ELAVL2: variants seen among roughly 807,000 people sequenced by gnomAD.
ELAVL2 encodes ELAV-like protein 2.
ELAVL2 carries 4 observed loss-of-function variants against 34.6 expected under a neutral mutation model. That is an observed-to-expected ratio of 0.12 (90% CI 0.06 to 0.26). The LOEUF (loss-of-function observed/expected upper bound fraction) is 0.26. Among genes scored for constraint, ELAVL2 ranks in the 10% least tolerant of loss-of-function variants. The pLI is 1.00. For missense variants in ELAVL2, 432 were observed against 442.8 expected, an observed-to-expected ratio of 0.98 and a Z score of 0.22; for synonymous variants, 193 against 154.8, an observed-to-expected ratio of 1.25 and a Z score of -1.83.
At chr9:23,771,659 A>T (rs1452003780) in intron 1 of ELAVL2, among the ~76,000 whole-genome samples, 1 of 152,220 alleles carries the variant, frequency 6.6e-6, no homozygotes, top group Non-Finnish European at 1.5e-5. Flanking sequence ...ATAGTATATC[A>T]GAAAATTGAT....
chr9:23,799,248 C>T (rs756764726), intron 1 of ELAVL2, among the ~76,000 whole-genome samples: 6 of 152,248 alleles, frequency 3.9e-5, no homozygotes, highest in Admixed American at 1.3e-4. Flanking sequence ...TCTTAACAAG[C>T]GAAGTCAGGA....
chr9:23,773,936 G>A (rs1445642843), intron 1 of ELAVL2, among the ~76,000 whole-genome samples: 2 of 151,994 alleles, frequency 1.3e-5, no homozygotes, highest in African/African-American at 2.4e-5. Flanking sequence ...TCTGGGCCTG[G>A]CGCAGTGGCT....
intron 2 of ELAVL2, among the ~76,000 whole-genome samples, chr9:23,756,700 A>G (rs1394244520): frequency 6.6e-6 from 1 of 152,212 alleles, no homozygotes; most frequent in Non-Finnish European, 1.5e-5. Context: ...AAGAGGGGAC[A>G]GCACTTTAAA....
intron 2 of ELAVL2, chr9:23,735,332 A>G (rs2047615534): frequency 1.3e-5 from 2 of 152,112 alleles, no homozygotes; most frequent in African/African-American, 4.8e-5. Flanking sequence ...ACTGGATGGC[A>G]GTGGGCATGA....
chr9:23,713,974 C>G (rs1434121758), intron 3 of ELAVL2, among the ~76,000 whole-genome samples: 1 of 152,108 alleles, frequency 6.6e-6, no homozygotes, highest in Non-Finnish European at 1.5e-5. Flanking sequence ...TGATGTTAAT[C>G]ACAGTACTTA....
At chr9:23,714,743 T>G (rs1050558886) in intron 3 of ELAVL2, among the ~76,000 whole-genome samples, 19 of 152,180 alleles carry the variant, frequency 1.2e-4, no homozygotes, top group Admixed American at 7.2e-4. Context: ...TGTTTCTGCA[T>G]GTGAAATGTG....
intron 1 of ELAVL2, chr9:23,821,869 C>T (rs2064829724): frequency 6.6e-6 from 1 of 151,468 alleles, no homozygotes; most frequent in East Asian, 2.0e-4. Flanking sequence ...GAAGGAGGGG[C>T]TTGCTTGGAA....
chr9:23,804,824 C>G (rs1280220556), intron 1 of ELAVL2, among the ~76,000 whole-genome samples: 1 of 152,282 alleles, frequency 6.6e-6, no homozygotes, highest in South Asian at 2.1e-4. Flanking sequence ...CAACCACAAT[C>G]ATTATACCTA....
chr9:23,774,869 C>G (rs1211563082), intron 1 of ELAVL2, among the ~76,000 whole-genome samples: 1 of 152,076 alleles, frequency 6.6e-6, no homozygotes, highest in African/African-American at 2.4e-5. Context: ...ACCCTAGAAT[C>G]TAGATTAATA....
intron 2 of ELAVL2, among the ~76,000 whole-genome samples, chr9:23,747,128 C>T (rs2135429060): frequency 6.6e-6 from 1 of 152,012 alleles, no homozygotes; most frequent in South Asian, 2.1e-4. Flanking sequence ...ACTGAAACCA[C>T]AGATAGTACT....
chr9:23,730,182 C>G (rs1014014918), intron 3 of ELAVL2, among the ~76,000 whole-genome samples: 1 of 152,068 alleles, frequency 6.6e-6, no homozygotes, highest in African/African-American at 2.4e-5. Context: ...TTGCTAGAGG[C>G]GACATCCCTC....
At chr9:23,750,988 A>G (rs1448934102) in intron 2 of ELAVL2, among the ~76,000 whole-genome samples, 1 of 152,184 alleles carries the variant, frequency 6.6e-6, no homozygotes, top group Non-Finnish European at 1.5e-5. Context: ...TTACTTTAAA[A>G]GGAGGATTTG....
chr9:23,776,292 T>A (rs1283558207), intron 1 of ELAVL2, among the ~76,000 whole-genome samples: 2 of 152,200 alleles, frequency 1.3e-5, no homozygotes, highest in African/African-American at 2.4e-5. Flanking sequence ...CATTTTTTAA[T>A]TCCTAGCTAC....
intron 2 of ELAVL2, 78 bp from the exon 3 acceptor site, chr9:23,731,203 G>A (rs2046445393): frequency 8.0e-6 from 10 of 1,245,168 alleles, no homozygotes; most frequent in Non-Finnish European, 1.1e-5. Context: ...TTGGCATATG[G>A]TCTTGTCATT....
the ELAVL2 span, chr9:23,832,385 C>G: frequency 6.6e-6 from 1 of 152,162 alleles, no homozygotes; most frequent in Non-Finnish European, 1.5e-5. Context: ...ATACCTGATT[C>G]TTACCGCACA....
intron 1 of ELAVL2, among the ~76,000 whole-genome samples, chr9:23,816,644 C>T (rs576984828): frequency 4.6e-5 from 7 of 152,086 alleles, no homozygotes; most frequent in Admixed American, 6.6e-5. Context: ...AAGTAACACA[C>T]GTTTAGGAGA....
In ELAVL2 at chr9:23,748,275, T is replaced by A. The variant is rs1278948067; in HGVS notation, c.229+13731A>T. The stretch of plus-strand genomic sequence containing the variant: ...TCGCTCTTTGACTCTGATTGAGGAA[T>A]GGCTTTCTGCCAAGATTTCCTTCAA... On this transcript the variant is annotated intron_variant, in intron 2 of 6. Coordinates refer to ENST00000397312, the MANE Select transcript of ELAVL2 (RefSeq NM_004432.5). Among the ~76,000 whole-genome samples the A allele has an allele frequency of 5.9e-5, 9 of 152,120 alleles. 1 individual carries two copies. The highest frequency in any genetic ancestry group is 5.9e-4 in the Admixed American group (9 of 15,254).
intron 1 of ELAVL2, among the ~76,000 whole-genome samples, chr9:23,794,513 C>T (rs566859822): frequency 2.0e-5 from 3 of 152,334 alleles, no homozygotes; most frequent in South Asian, 4.1e-4. Flanking sequence ...CTAATCCATA[C>T]TGGATAGACA....
intron 1 of ELAVL2, among the ~76,000 whole-genome samples, chr9:23,780,110 T>C (rs560856750): frequency 1.3e-4 from 20 of 150,220 alleles, no homozygotes; most frequent in Middle Eastern, 3.5e-3. Context: ...ATATCATCTA[T>C]TCTACAAAAC....
Sources: gnomAD v4.1 joint callset for allele counts (sites outside exome capture counted in the v4.1 genomes callset) on GRCh38, gnomAD v4.1.1 for gene constraint, MANE v1.5 for transcripts, NCBI Gene and HGNC (gene_info 2026-07-23, HGNC 2026-07-21) for gene names.